The following TBC1D2B variants were observed in gnomAD, a reference collection of about 807,000 sequenced individuals.
TBC1D2B encodes the protein TBC1 domain family, member 2B.
A neutral mutation model predicts 100.8 loss-of-function variants in TBC1D2B; 64 were observed. The ratio of observed to expected loss-of-function variants is 0.64; its 90% CI spans 0.52 to 0.78. The LOEUF is 0.78. TBC1D2B is among the 30% of genes least tolerant of loss of function. The pLI, the probability that TBC1D2B is intolerant of heterozygous loss-of-function variation, is 0.00. For missense variants in TBC1D2B, 1,052 were observed against 1,218.4 expected (o/e 0.86, Z 2.03); for synonymous variants, 480 against 479.7 (o/e 1.00, Z -0.01).
At chr15:78,055,706 A>G (rs1464869023) in intron 1 of TBC1D2B, among the ~76,000 whole-genome samples, 1 of 152,240 alleles carries the variant, frequency 6.6e-6, no homozygotes, top group Non-Finnish European at 1.5e-5. Context: ...TTTTCATTAC[A>G]GGATCTTTGG....
intron 6 of TBC1D2B, 105 bp downstream of exon 6, chr15:78,024,051 G>A (rs2072587091): frequency 7.3e-7 from 1 of 1,370,468 alleles, no homozygotes; most frequent in Non-Finnish European, 9.6e-7. Flanking sequence ...AAATAAGTGT[G>A]CAGCTGTTCT....
intron 12 of TBC1D2B, 164 bp from the exon 13 acceptor site, chr15:77,998,519 A>C (rs2071825344): frequency 5.1e-6 from 3 of 585,412 alleles, no homozygotes; most frequent in Non-Finnish European, 8.6e-6. Flanking sequence ...TAGAGAGGTG[A>C]CAAAGCACAA....
intron 10 of TBC1D2B, among the ~76,000 whole-genome samples, chr15:78,007,741 G>A (rs2072105237): frequency 6.6e-6 from 1 of 152,220 alleles, no homozygotes; most frequent in Non-Finnish European, 1.5e-5. Flanking sequence ...TATAGCAAGG[G>A]CAGAAAGCCA....
At chr15:78,073,804 T>C (rs1228121545) in intron 1 of TBC1D2B, among the ~76,000 whole-genome samples, 1 of 151,946 alleles carries the variant, frequency 6.6e-6, no homozygotes, top group Non-Finnish European at 1.5e-5. Flanking sequence ...ACCCCGTCTC[T>C]ACTAAAAATA....
At position 78,016,605 on chromosome 15, in the gene TBC1D2B, A is replaced by T. The variant is rs759625294; in HGVS notation, c.1716T>A (p.Ala572=). The change falls in exon 8 of 13, where the codon GCT becomes GCA. Residue 572 remains alanine (A), a synonymous_variant. Coordinates refer to ENST00000300584, the MANE Select transcript of TBC1D2B (RefSeq NM_144572.2). ...GCTGCTCTTGGCTCTCAACCTGCAGAGCATCCTCCAGCAACTGGGCTATGA... is the reference window on the plus strand; with the variant it reads ...GCTGCTCTTGGCTCTCAACCTGCAGTGCATCCTCCAGCAACTGGGCTATGA... ...REVIAQLLED[A]LQVESQEQPE... The T allele has an allele frequency of 2.0e-5, 32 of 1,612,894 alleles. No homozygotes were observed. The highest frequency in any genetic ancestry group is 2.5e-5 in the Non-Finnish European group (29 of 1,179,460).
At chr15:78,053,688 T>G (rs1567030938) in intron 2 of TBC1D2B, 2 of 192,274 alleles carry the variant, frequency 1.0e-5, no homozygotes, top group African/African-American at 4.7e-5. Flanking sequence ...TTGGCAAGTC[T>G]GCCCAAGCAT....
At chr15:78,003,186 C>G in intron 11 of TBC1D2B, 119 bp downstream of exon 11, 1 of 825,222 alleles carries the variant, frequency 1.2e-6, no homozygotes, top group South Asian at 1.6e-5. Context: ...TGCTGAGATC[C>G]CTTGGGCACC....
intron 5 of TBC1D2B, 90 bp downstream of exon 5, chr15:78,025,168 GA>G (rs1247460728): frequency 2.7e-6 from 3 of 1,120,040 alleles, no homozygotes; most frequent in Non-Finnish European, 3.9e-6. Flanking sequence ...GCTGTCCCCA[GA>G]AAGACTCAGG....
intron 3 of TBC1D2B, among the ~76,000 whole-genome samples, chr15:78,032,892 C>T (rs1038175124): frequency 1.3e-5 from 2 of 152,000 alleles, no homozygotes; most frequent in African/African-American, 4.8e-5. Context: ...ACCAATGAGT[C>T]GGTCACTGAA....
chr15:78,072,125 C>T (rs969364085), intron 1 of TBC1D2B, among the ~76,000 whole-genome samples: 6 of 152,164 alleles, frequency 3.9e-5, no homozygotes, highest in East Asian at 1.9e-4. Flanking sequence ...CTTCAACATA[C>T]GAATTTTTCA....
chr15:78,063,649 A>G (rs1308050710), intron 1 of TBC1D2B, among the ~76,000 whole-genome samples: 1 of 152,098 alleles, frequency 6.6e-6, no homozygotes, highest in African/African-American at 2.4e-5. Flanking sequence ...ACATGGTTCC[A>G]CTCTTAATCA....
chr15:78,042,698 G>A (rs1479465119), intron 3 of TBC1D2B, among the ~76,000 whole-genome samples: 5 of 152,196 alleles, frequency 3.3e-5, no homozygotes, highest in Admixed American at 2.6e-4. Flanking sequence ...CACATGGTGA[G>A]CAGAGGTTCT....
chr15:78,039,056 C>T (rs2073014034), intron 3 of TBC1D2B, among the ~76,000 whole-genome samples: 1 of 152,198 alleles, frequency 6.6e-6, no homozygotes, highest in Non-Finnish European at 1.5e-5. Context: ...ACTCCATGGG[C>T]CAAAGAGCAA....
At chr15:78,001,058 C>T (rs987573447) in intron 12 of TBC1D2B, among the ~76,000 whole-genome samples, 1 of 152,238 alleles carries the variant, frequency 6.6e-6, no homozygotes, top group East Asian at 1.9e-4. Context: ...TCTGCTATGG[C>T]CCAGCCACAC....
chr15:78,060,833 T>G (rs1011126229), intron 1 of TBC1D2B, among the ~76,000 whole-genome samples: 1 of 149,902 alleles, frequency 6.7e-6, no homozygotes, highest in Non-Finnish European at 1.5e-5. Flanking sequence ...AGGAGAATCG[T>G]TTACACCCAG....
intron 8 of TBC1D2B, 124 bp downstream of exon 8, chr15:78,016,422 C>T: frequency 3.4e-6 from 3 of 875,730 alleles, no homozygotes; most frequent in Non-Finnish European, 5.3e-6. Flanking sequence ...GACCTGACAG[C>T]ATTTGTCATG....
chr15:78,061,940 G>C (rs564679073), intron 1 of TBC1D2B, among the ~76,000 whole-genome samples: 246 of 152,216 alleles, frequency 1.6e-3, no homozygotes, highest in Middle Eastern at 6.8e-3. Context: ...CACACGGGAA[G>C]GTTTAGCTAA....
chr15:78,010,771 A>G (rs528646243), intron 9 of TBC1D2B, among the ~76,000 whole-genome samples: 3 of 152,238 alleles, frequency 2.0e-5, no homozygotes, highest in Non-Finnish European at 2.9e-5. Context: ...TTGTCCTTCT[A>G]AAGTTCTGGG....
intron 3 of TBC1D2B, among the ~76,000 whole-genome samples, chr15:78,036,042 C>T (rs1256665248): frequency 1.3e-5 from 2 of 152,088 alleles, no homozygotes; most frequent in Non-Finnish European, 2.9e-5. Context: ...CATGTCTGAG[C>T]GAAGAGTGAG....
Sources: allele counts gnomAD v4.1 joint callset (sites outside exome capture counted in the v4.1 genomes callset), GRCh38; gene constraint gnomAD v4.1.1; transcripts MANE v1.5; gene names NCBI Gene and HGNC (gene_info 2026-07-23, HGNC 2026-07-21).